Variants in KCTD13 observed in about 807,000 individuals in gnomAD.
KCTD13 encodes BTB/POZ domain-containing adapter for CUL3-mediated RhoA degradation protein 1.
A neutral mutation model predicts 32.3 loss-of-function variants in KCTD13; 15 were observed. The observed-to-expected ratio is 0.46, with a 90% confidence interval of 0.31 to 0.71. The LOEUF (loss-of-function observed/expected upper bound fraction) is 0.71. KCTD13 is among the 30% of genes least tolerant of loss of function. The pLI is 0.05. For missense variants in KCTD13, 337 were observed against 452.6 expected (o/e 0.74, Z 2.32); for synonymous variants, 189 against 200.1 (o/e 0.94, Z 0.47).
chr16:29,906,504 C>A lies in KCTD13; in HGVS notation c.*368G>T, dbSNP rs1567437592. Reference sequence around the variant, plus strand: ...AGGGGGCGGACTACCCTGCAGGACGCGGGAGGCTGCTCAGACTGTGGTGAT... The same window carrying A: ...AGGGGGCGGACTACCCTGCAGGACGAGGGAGGCTGCTCAGACTGTGGTGAT... On this transcript the variant is annotated 3_prime_UTR_variant, in exon 6 of 6. Coordinates refer to ENST00000568000, the MANE Select transcript of KCTD13 (RefSeq NM_178863.5). 2 of 474,594 alleles carry A rather than the reference C, an allele frequency of 4.2e-6. No homozygotes were observed. The highest frequency in any genetic ancestry group is 2.3e-5 in the Admixed American group (1 of 43,040). The allele number at this position is 474,594 out of a possible 1,614,324, so 29.4% of individuals were successfully genotyped here.
chr16:29,913,236 A>T (rs2068748233), intron 2 of KCTD13: 1 of 151,634 alleles, frequency 6.6e-6, no homozygotes, highest in African/African-American at 2.4e-5. Context: ...CATCCTCCCA[A>T]ACTTAGGTCA....
chr16:29,923,242 G>C lies in KCTD13; in HGVS notation c.362C>G (p.Ala121Gly). ...TRELGELLGE[A>G]RYYLVQGLIE... Reference sequence around the variant, plus strand: ...CAGGCCCTGCACCAGGTAGTAGCGTGCTTCGCCCAGCAGCTCCCCCAGTTC... The same window carrying C: ...CAGGCCCTGCACCAGGTAGTAGCGTCCTTCGCCCAGCAGCTCCCCCAGTTC... Residue 121 changes from alanine (A) to glycine (G), a missense_variant, in exon 2 of 6, where the codon GCA becomes GGA. Coordinates refer to ENST00000568000, the MANE Select transcript of KCTD13 (RefSeq NM_178863.5). 6.2e-7 allele frequency: 1 copy of C among 1,614,210 alleles called. No homozygotes were observed. The highest frequency in any genetic ancestry group is 8.5e-7 in the Non-Finnish European group (1 of 1,180,044).
At chr16:29,911,296 A>C (rs79922206) in intron 4 of KCTD13, 123 bp from the exon 5 acceptor site, 19 of 755,284 alleles carry the variant, frequency 2.5e-5, no homozygotes, top group Non-Finnish European at 3.7e-5. Context: ...TGCTCAACAG[A>C]GAGCCTCCTC....
chr16:29,926,067 T>C lies in KCTD13; in HGVS notation c.-34A>G. The C allele has an allele frequency of 6.8e-7, 1 of 1,462,778 alleles. No homozygotes were observed. Among genetic ancestry groups the C allele is most frequent in the Non-Finnish European group, 9.0e-7 (1 of 1,114,594 alleles). 90.6% of individuals were successfully genotyped at this position (1,462,778 alleles called of 1,614,324 possible). A position where few individuals can be genotyped will look rare whatever the true frequency, so the allele number is the denominator to read the frequency against. On this transcript the variant is annotated 5_prime_UTR_variant, in exon 1 of 6. Coordinates refer to ENST00000568000, the MANE Select transcript of KCTD13 (RefSeq NM_178863.5). The stretch of plus-strand genomic sequence containing the variant: ...GCAGCGGCGGACGGCGATCCCAGGA[T>C]CTCTCCGCGCCCTGCGGCCTGCTCC...
chr16:29,917,426 C>A (rs537811691), intron 2 of KCTD13, among the ~76,000 whole-genome samples: 1 of 152,150 alleles, frequency 6.6e-6, no homozygotes, highest in African/African-American at 2.4e-5. Flanking sequence ...GTGGGCAGAT[C>A]GCTTGAGCTC....
At chr16:29,907,590 T>C (rs945022798) in intron 5 of KCTD13, among the ~76,000 whole-genome samples, 2 of 151,684 alleles carry the variant, frequency 1.3e-5, no homozygotes, top group African/African-American at 4.8e-5. Flanking sequence ...AGTTTGAGTC[T>C]AGTCTGGGCA....
chr16:29,919,293 T>C (rs150755679), intron 2 of KCTD13, among the ~76,000 whole-genome samples: 1 of 151,658 alleles, frequency 6.6e-6, no homozygotes, highest in East Asian at 1.9e-4. Context: ...GTAATGCTTA[T>C]GGTATTATTT....
At chr16:29,917,227 A>G (rs1164119109) in intron 2 of KCTD13, among the ~76,000 whole-genome samples, 1 of 152,152 alleles carries the variant, frequency 6.6e-6, no homozygotes, top group Non-Finnish European at 1.5e-5. Context: ...GGACTGTTTA[A>G]TACCTGGCAC....
At position 29,911,050 on chromosome 16, in the gene KCTD13, G is replaced by A. The variant is rs143894366; in HGVS notation, c.681C>T (p.Tyr227=). ...LGDEICCWSF[Y]GQGRKIAEVC... ...CCTCGGCGATTTTGCGGCCCTGCCC[G>A]TAGAAAGACCAGCAGCAGATCTCGT... Residue 227 remains tyrosine (Y), a synonymous_variant, in exon 5 of 6, where the codon TAC becomes TAT. Coordinates refer to ENST00000568000, the MANE Select transcript of KCTD13 (RefSeq NM_178863.5). 44 of 1,614,166 alleles carry A rather than the reference G, an allele frequency of 2.7e-5. No individual in the cohort carries two copies. The highest frequency in any genetic ancestry group is 4.0e-5 in the African/African-American group (3 of 75,042).
intron 5 of KCTD13, among the ~76,000 whole-genome samples, chr16:29,908,448 A>C (rs981888429): frequency 2.0e-5 from 3 of 152,028 alleles, no homozygotes; most frequent in African/African-American, 7.2e-5. Context: ...GCAATGGCAC[A>C]ATCTCAGCTC....
chr16:29,911,493 C>T (rs2068708595), intron 4 of KCTD13: 1 of 564,650 alleles, frequency 1.8e-6, no homozygotes, highest in Non-Finnish European at 3.1e-6. Context: ...GGTGTCCCGA[C>T]CTCCTCATCT....
At chr16:29,910,925 TC>T (rs2068696115) in intron 5 of KCTD13, 52 bp downstream of exon 5, 18 of 1,540,438 alleles carry the variant, frequency 1.2e-5, no homozygotes, top group Non-Finnish European at 1.4e-5. Flanking sequence ...TTGTCCAGGG[TC>T]CTGGTCCTGG....
intron 5 of KCTD13, 120 bp downstream of exon 5, chr16:29,910,858 C>T: frequency 1.2e-6 from 1 of 858,532 alleles, no homozygotes. Flanking sequence ...GCACCCCAGA[C>T]CCCAGGATCT....
chr16:29,922,869 T>C, intron 2 of KCTD13: 7 of 413,706 alleles, frequency 1.7e-5, no homozygotes, highest in Non-Finnish European at 1.3e-5. Context: ...TTAGGATTTC[T>C]AAGCAAGAGA....
intron 2 of KCTD13, among the ~76,000 whole-genome samples, chr16:29,916,980 T>C (rs947208046): frequency 3.3e-5 from 5 of 152,320 alleles, no homozygotes; most frequent in African/African-American, 1.2e-4. Flanking sequence ...TGTCCTCACA[T>C]AGCATTCACA....
chr16:29,912,014 G>A lies in KCTD13; in HGVS notation c.450C>T (p.Ile150=), dbSNP rs760333688. 19 of 1,611,424 alleles carry A rather than the reference G, an allele frequency of 1.2e-5. No homozygotes were observed. Among genetic ancestry groups the A allele is most frequent in the Non-Finnish European group, 1.6e-5 (19 of 1,178,994 alleles). The change falls in exon 3 of 6, where the codon ATC becomes ATT. Residue 150 remains isoleucine, a synonymous_variant. Transcript: ENST00000568000. ...KRETLSPLCL[I]PMVTSPREEQ... Reference sequence around the variant, plus strand: ...CCTCCCGGGGAGATGTCACCATGGGGATGAGGCACAGCGGGGACAGCGTCT... The same window carrying A: ...CCTCCCGGGGAGATGTCACCATGGGAATGAGGCACAGCGGGGACAGCGTCT...
chr16:29,925,902 C>T lies in KCTD13; in HGVS notation c.132G>A (p.Lys44=), dbSNP rs767282747. The change falls in exon 1 of 6, where the codon AAG becomes AAA. Residue 44 remains lysine (K), a synonymous_variant. Coordinates refer to ENST00000568000, the MANE Select transcript of KCTD13 (RefSeq NM_178863.5). ...KPLTPNSKYV[K]LNVGGSLHYT... ...AGTGCAACGAGCCGCCCACGTTCAG[C>T]TTCACGTATTTGCTGTTCGGGGTCA... The T allele has an allele frequency of 1.9e-6, 3 of 1,614,064 alleles. No homozygotes were observed. The highest frequency in any genetic ancestry group is 3.3e-5 in the Admixed American group (2 of 60,028).
chr16:29,924,600 GTCT>G (rs2068965891), intron 1 of KCTD13, among the ~76,000 whole-genome samples: 1 of 151,904 alleles, frequency 6.6e-6, no homozygotes, highest in Non-Finnish European at 1.5e-5. Flanking sequence ...TTGCTTATTG[GTCT>G]TCTGATCTCC....
intron 2 of KCTD13, chr16:29,914,742 A>G: frequency 6.6e-6 from 1 of 152,418 alleles, no homozygotes. Flanking sequence ...CCTTAAGTGC[A>G]TTTCCTATCT....
Sources: allele counts gnomAD v4.1 joint callset (sites outside exome capture counted in the v4.1 genomes callset), GRCh38; gene constraint gnomAD v4.1.1; transcripts MANE v1.5; gene names NCBI Gene and HGNC (gene_info 2026-07-23, HGNC 2026-07-21).